Variants in TMBIM1 observed in about 807,000 individuals in gnomAD.
TMBIM1 encodes the protein transmembrane BAX inhibitor motif containing 1.
TMBIM1 carries 34 observed loss-of-function variants against 45.1 expected under a neutral mutation model. That is an observed-to-expected ratio of 0.75 (90% CI 0.57 to 1.00). The LOEUF is 1.00. Ranked by LOEUF, TMBIM1 falls within the 50% of genes least tolerant of loss-of-function variation. TMBIM1 has a pLI of 0.00. For missense variants in TMBIM1, 374 were observed against 402.4 expected, an observed-to-expected ratio of 0.93 and a Z score of 0.60; for synonymous variants, 157 against 153.5, an observed-to-expected ratio of 1.02 and a Z score of -0.17.
chr2:218,274,830 T>A lies in TMBIM1; in HGVS notation c.*645A>T, dbSNP rs1216534494. The A allele has an allele frequency of 1.3e-5, 2 of 153,590 alleles. No homozygotes were observed. The highest frequency in any genetic ancestry group is 1.3e-4 in the Admixed American group (2 of 15,284). 9.5% of individuals were successfully genotyped at this position (153,590 alleles called of 1,614,324 possible). The stretch of plus-strand genomic sequence containing the variant: ...AGATGCTGTTCCATGCTGGCCTGTA[T>A]AGGTTACTTTGCTCGTTCTGTTATC... On this transcript the variant is annotated 3_prime_UTR_variant, in exon 12 of 12. Transcript: ENST00000258412.
intron 1 of TMBIM1, among the ~76,000 whole-genome samples, chr2:218,291,185 G>C (rs1692904369): frequency 6.6e-6 from 1 of 152,142 alleles, no homozygotes; most frequent in African/African-American, 2.4e-5. Flanking sequence ...CCTCTCTGAA[G>C]GGCTCATTTT....
intron 1 of TMBIM1, among the ~76,000 whole-genome samples, chr2:218,290,868 C>T (rs1692886903): frequency 6.6e-6 from 1 of 152,210 alleles, no homozygotes. Context: ...CAGAATAGGT[C>T]CAGAAGGCCC....
intron 7 of TMBIM1, 108 bp from the exon 8 acceptor site, chr2:218,277,778 T>A: frequency 1.3e-6 from 2 of 1,552,048 alleles, no homozygotes; most frequent in Non-Finnish European, 1.8e-6. Flanking sequence ...CGCCACCAAG[T>A]TGGAAAGAGG....
At chr2:218,275,924 C>T in intron 11 of TMBIM1, 102 bp downstream of exon 11, 1 of 1,354,252 alleles carries the variant, frequency 7.4e-7, no homozygotes, top group Non-Finnish European at 1.0e-6. Flanking sequence ...CCTGCTATGG[C>T]CCCATTCCCT....
At chr2:218,289,136 A>G (rs530100490) in intron 1 of TMBIM1, among the ~76,000 whole-genome samples, 49 of 152,372 alleles carry the variant, frequency 3.2e-4, no homozygotes, top group African/African-American at 9.6e-4. Flanking sequence ...GGGTGGGGCC[A>G]AGGCAGTAAA....
In TMBIM1 at chr2:218,278,589, C is replaced by A. The variant is rs769279400; in HGVS notation, c.423-24G>T. ...CACTAGGGACAAAGAGATGGGGAAG[C>A]AGTTCAGGCCCAAATCTGCCCCGCT... is the stretch of plus-strand genomic sequence containing the variant. On this transcript the variant is annotated intron_variant, in intron 5 of 11. Coordinates refer to ENST00000258412, the MANE Select transcript of TMBIM1 (RefSeq NM_022152.6). 1.9e-6 allele frequency: 3 copies of A among 1,613,884 alleles called. No homozygotes were observed. The African/African-American group carries it at 4.0e-5, about 22-fold the overall frequency.
chr2:218,292,032 G>A (rs1692963638), intron 1 of TMBIM1, among the ~76,000 whole-genome samples: 1 of 151,568 alleles, frequency 6.6e-6, no homozygotes, highest in Admixed American at 6.6e-5. Context: ...GCCAGGCCCT[G>A]GCTGTCTCCC....
At chr2:218,275,712 G>T in intron 11 of TMBIM1, 91 bp from the exon 12 acceptor site, 2 of 1,447,804 alleles carry the variant, frequency 1.4e-6, no homozygotes, top group Non-Finnish European at 1.9e-6. Flanking sequence ...GGGCCTATGC[G>T]CCACACAGTG....
chr2:218,278,016 C>G (rs776096607), intron 6 of TMBIM1, 42 bp from the exon 7 acceptor site: 1 of 1,611,526 alleles, frequency 6.2e-7, no homozygotes, highest in Admixed American at 1.7e-5. Flanking sequence ...CTTGGGGCCC[C>G]TCAGGCGTCA....
Position 218,275,532 on chromosome 2 carries a change from G to A in TMBIM1, c.879C>T (p.Tyr293=), listed in dbSNP as rs1387383025. 1.2e-6 allele frequency: 2 copies of A among 1,614,072 alleles called. No individual in the cohort carries two copies. Among genetic ancestry groups the A allele is most frequent in the South Asian group, 1.1e-5 (1 of 91,096 alleles). Residue 293 remains tyrosine (Y), a synonymous_variant, in exon 12 of 12, where the codon TAC becomes TAT. Coordinates refer to ENST00000258412, the MANE Select transcript of TMBIM1 (RefSeq NM_022152.6). Reference sequence around the variant, plus strand: ...AGGTGAAGATGTAGATGATGTCTGTGTAAATCTGCAGGGCGCCAGTGATGT... The same window carrying A: ...AGGTGAAGATGTAGATGATGTCTGTATAAATCTGCAGGGCGCCAGTGATGT... ...EDYITGALQI[Y]TDIIYIFTFV... is the part of the protein sequence containing the mutation.
intron 1 of TMBIM1, among the ~76,000 whole-genome samples, chr2:218,282,588 C>G (rs997112651): frequency 6.6e-6 from 1 of 152,258 alleles, no homozygotes; most frequent in African/African-American, 2.4e-5. Context: ...ACAGGGCCAG[C>G]TGGGACCCTC....
rs1255104457 is a variant in TMBIM1, at chr2:218,292,467, T to G, written c.-42A>C. ...GCCGGCCCCGGCCCCCTGGCTTGCC[T>G]GCGCCGTTCCAGACGGAGCGTTCCT... On this transcript the variant is annotated splice_region_variant and 5_prime_UTR_variant, in exon 1 of 12. Transcript: ENST00000258412. 3 of 152,230 alleles carry G rather than the reference T, an allele frequency of 2.0e-5. No individual in the cohort carries two copies. The highest frequency in any genetic ancestry group is 2.9e-5 in the Non-Finnish European group (2 of 68,082). The allele number at this position is 152,230 out of a possible 1,614,324, so 9.4% of individuals were successfully genotyped here.
chr2:218,278,918 C>T (rs1188030353), intron 5 of TMBIM1, 120 bp downstream of exon 5: 2 of 1,171,570 alleles, frequency 1.7e-6, no homozygotes, highest in Non-Finnish European at 2.5e-6. Context: ...GGGAAACTGG[C>T]ACCAACTTGG....
Position 218,277,387 on chromosome 2 carries a change from G to C in TMBIM1, c.618C>G (p.Thr206=). ...IITAVVSISV[T]IFCFQTKVDF... ...TCACCTTGGTCTGAAAGCAGAAGAT[G>C]GTGACTGAAATGGATACCACCGCAG... The change falls in exon 9 of 12, where the codon ACC becomes ACG. Residue 206 remains threonine, a synonymous_variant. Transcript: ENST00000258412. 1 of 1,614,124 alleles carries C rather than the reference G, an allele frequency of 6.2e-7. No homozygotes were observed. Among genetic ancestry groups the C allele is most frequent in the Non-Finnish European group, 8.5e-7 (1 of 1,180,020 alleles).
Position 218,276,043 on chromosome 2 carries a change from C to T in TMBIM1, c.772G>A (p.Ala258Thr). Residue 258 changes from alanine (A) to threonine (T), a missense_variant, in exon 11 of 12, where the codon GCC becomes ACC. Ala to Thr is a moderately conservative substitution (Grantham distance 58). Transcript: ENST00000258412. ...GGACTTACCAGGGTGAAACAAATGG[C>T]CCCCAGAGCAGCATAGAGCATGTGG... ...WLHMLYAALG[A>T]ICFTLFLAYD... 1 of 1,612,790 alleles carries T rather than the reference C, an allele frequency of 6.2e-7. No homozygotes were observed.
At position 218,277,007 on chromosome 2, in the gene TMBIM1, T is replaced by C. The variant is rs149503479; in HGVS notation, c.732A>G (p.Gln244=). Reference sequence around the variant, plus strand: ...CCAGCTCTCCTGGGACACTCACGTATTGGAAGTAGAGCACAATGCTAGTGA... The same window carrying C: ...CCAGCTCTCCTGGGACACTCACGTACTGGAAGTAGAGCACAATGCTAGTGA... ...GIVTSIVLYF[Q]YVYWLHMLYA... is the part of the protein sequence containing the mutation. Residue 244 remains glutamine (Q), a synonymous_variant, in exon 10 of 12, where the codon CAA becomes CAG. Coordinates refer to ENST00000258412, the MANE Select transcript of TMBIM1 (RefSeq NM_022152.6). 7.7e-5 allele frequency: 124 copies of C among 1,613,570 alleles called. 1 individual carries two copies. The highest frequency in any genetic ancestry group is 1.0e-4 in the Non-Finnish European group (122 of 1,179,668).
intron 5 of TMBIM1, among the ~76,000 whole-genome samples, chr2:218,278,772 G>GCCAGGAAGGAGGTCA (rs1293682325): frequency 6.6e-6 from 1 of 152,232 alleles, no homozygotes; most frequent in Non-Finnish European, 1.5e-5. Context: ...GGTCTGGGGA[G>GCCAGGAAGGAGGTCA]GCTGCAGCTG....
chr2:218,283,006 AC>A (rs1220109518), intron 1 of TMBIM1, among the ~76,000 whole-genome samples: 1 of 151,962 alleles, frequency 6.6e-6, no homozygotes, highest in African/African-American at 2.4e-5. Flanking sequence ...CCTTACCCCC[AC>A]CCTGGAGGGG....
Position 218,282,189 on chromosome 2 carries a change from G to T in TMBIM1, c.-40-8C>A. 1.4e-6 allele frequency: 2 copies of T among 1,393,302 alleles called. No homozygotes were observed. The highest frequency in any genetic ancestry group is 1.9e-6 in the Non-Finnish European group (2 of 1,055,708). 86.3% of individuals were successfully genotyped at this position (1,393,302 alleles called of 1,614,324 possible). On this transcript the variant is annotated splice_region_variant and splice_polypyrimidine_tract_variant and intron_variant, in intron 1 of 11. Coordinates refer to ENST00000258412, the MANE Select transcript of TMBIM1 (RefSeq NM_022152.6). ...AACCCCAGCTGCTGGGACCTGAAATGGGAGAGGAGAAAAGCAATCGTGAAT... is the reference window on the plus strand; with the variant it reads ...AACCCCAGCTGCTGGGACCTGAAATTGGAGAGGAGAAAAGCAATCGTGAAT...
Sources: gnomAD v4.1 joint callset for allele counts (sites outside exome capture counted in the v4.1 genomes callset) on GRCh38, gnomAD v4.1.1 for gene constraint, MANE v1.5 for transcripts, NCBI Gene and HGNC (gene_info 2026-07-23, HGNC 2026-07-21) for gene names.